AKAP3: variants seen among roughly 807,000 people sequenced by gnomAD.
AKAP3 encodes the protein A-kinase anchoring protein 3.
Under a neutral mutation model 57.2 loss-of-function variants are expected in AKAP3, and 27 were observed. That is an observed-to-expected ratio of 0.47 (90% CI 0.35 to 0.65). The LOEUF (loss-of-function observed/expected upper bound fraction) is 0.65. Ranked by LOEUF, AKAP3 falls within the 30% of genes least tolerant of loss-of-function variation. The pLI is 0.01. For synonymous variants in AKAP3, 334 were observed against 392.3 expected (o/e 0.85, Z 1.76); for missense variants, 959 against 1,040.0 (o/e 0.92, Z 1.07).
chr12:4,622,337 G>A (rs1246787031), intron 5 of AKAP3, among the ~76,000 whole-genome samples: 1 of 152,040 alleles, frequency 6.6e-6, no homozygotes, highest in Non-Finnish European at 1.5e-5. Flanking sequence ...ACTCCTAGGT[G>A]AAAAGAACAA....
At chr12:4,635,908 TC>T (rs1945559794) in intron 4 of AKAP3, 2 of 732,604 alleles carry the variant, frequency 2.7e-6, no homozygotes, top group Non-Finnish European at 4.9e-6. Flanking sequence ...CTCCATTTTT[TC>T]TTCACTTCCA....
intron 4 of AKAP3, chr12:4,635,923 C>T: frequency 5.0e-6 from 4 of 792,800 alleles, no homozygotes; most frequent in Non-Finnish European, 6.6e-6. Flanking sequence ...ACTTCCATCA[C>T]CAACACTAGC....
At chr12:4,626,124 C>T (rs992204096) in intron 5 of AKAP3, among the ~76,000 whole-genome samples, 10 of 152,018 alleles carry the variant, frequency 6.6e-5, no homozygotes, top group African/African-American at 2.4e-4. Context: ...CTAACACATC[C>T]CAGGGCTACT....
intron 5 of AKAP3, among the ~76,000 whole-genome samples, chr12:4,623,910 A>C (rs1273155771): frequency 1.3e-5 from 2 of 152,226 alleles, no homozygotes; most frequent in East Asian, 3.8e-4. Context: ...CTGTTGGTTA[A>C]AGTGTGAGGA....
intron 4 of AKAP3, among the ~76,000 whole-genome samples, chr12:4,631,867 T>C (rs1473952552): frequency 6.6e-6 from 1 of 152,260 alleles, no homozygotes; most frequent in Non-Finnish European, 1.5e-5. Flanking sequence ...TACAATTGTA[T>C]GCTTTTATTT....
chr12:4,625,163 G>A lies in AKAP3; in HGVS notation c.2406+1333C>T, dbSNP rs1178761063. Among the ~76,000 whole-genome samples the A allele has an allele frequency of 1.3e-5, 2 of 152,092 alleles. No individual in the cohort carries two copies. Among genetic ancestry groups the A allele is most frequent in the East Asian group, 1.9e-4 (1 of 5,192 alleles). On this transcript the variant is annotated intron_variant, in intron 5 of 5. Coordinates refer to ENST00000228850, the MANE Select transcript of AKAP3 (RefSeq NM_001278309.2). This position sits in a 1 kb window ranked among gnomAD's most constrained non-coding sequence, Gnocchi z 5.4. Reference sequence around the variant, plus strand: ...CTGCGTGGAGACAGAGCTTGCCAACGACCCTTAGGAATAGATCTAATATTG... The same window carrying A: ...CTGCGTGGAGACAGAGCTTGCCAACAACCCTTAGGAATAGATCTAATATTG...
intron 5 of AKAP3, among the ~76,000 whole-genome samples, chr12:4,624,987 G>C (rs1052638294): frequency 6.6e-6 from 1 of 152,018 alleles, no homozygotes; most frequent in Non-Finnish European, 1.5e-5. Context: ...GCTACAAAAG[G>C]CTTTCTCACA....
At position 4,626,755 on chromosome 12, in the gene AKAP3, T is replaced by G; in HGVS notation, c.2147A>C (p.Glu716Ala). 1 of 1,613,392 alleles carries G rather than the reference T, an allele frequency of 6.2e-7. No homozygotes were observed. Among genetic ancestry groups the G allele is most frequent in the East Asian group, 2.2e-5 (1 of 44,892 alleles). ...CCCTGTGCCCTTGGCTGGTAAGCACTCATATAAACTATCTGGGAAGGCCGA... is the reference window on the plus strand; with the variant it reads ...CCCTGTGCCCTTGGCTGGTAAGCACGCATATAAACTATCTGGGAAGGCCGA... The part of the protein sequence containing the change: ...LTSAFPDSLY[E>A]CLPAKGTGSA... Residue 716 changes from glutamate to alanine, a missense_variant, in exon 5 of 6, where the codon GAG (glutamate) becomes GCG (alanine). By Grantham distance (107) the Glu-to-Ala change is moderately radical. Transcript: ENST00000228850.
chr12:4,635,708 T>C, intron 4 of AKAP3: 1 of 710,868 alleles, frequency 1.4e-6, no homozygotes, highest in Non-Finnish European at 2.6e-6. Context: ...TATGGCTGCT[T>C]GTGCTCCTCT....
intron 4 of AKAP3, among the ~76,000 whole-genome samples, chr12:4,631,936 ACTT>A (rs1185612564): frequency 6.6e-6 from 1 of 152,236 alleles, no homozygotes; most frequent in East Asian, 1.9e-4. Context: ...AAGCCACATT[ACTT>A]CTATTTAATG....
At chr12:4,637,892 T>C (rs1456222579) in intron 4 of AKAP3, among the ~76,000 whole-genome samples, 1 of 152,192 alleles carries the variant, frequency 6.6e-6, no homozygotes, top group Non-Finnish European at 1.5e-5. Context: ...ATTTCATTAG[T>C]TATAGCATAT....
rs12310365 is a variant in AKAP3 at position 4,644,033 on chromosome 12, A to C, written c.-107+1022T>G. ...TTCTTTTACTGCCTTCCTTTCTGTA[A>C]GTGCCTGCTACATCGTAGAAGCTCA... On this transcript the variant is annotated intron_variant, in intron 2 of 5. Transcript: ENST00000228850. 8.4e-3 allele frequency among the ~76,000 whole-genome samples: 1,272 copies of C among 152,318 alleles called. 9 individuals are homozygous for C. The highest frequency in any genetic ancestry group is 0.022 in the African/African-American group (928 of 41,558).
rs879906352 is a variant in AKAP3 at position 4,648,968 on chromosome 12, C to G, written c.-468G>C. The G allele has an allele frequency of 7.0e-5, 53 of 754,068 alleles. No individual in the cohort carries two copies. In the East Asian group the frequency reaches 1.3e-3, roughly 18 times the overall value. The allele number at this position is 754,068 out of a possible 1,614,324, so 46.7% of individuals were successfully genotyped here. ...AGTCTTTTCACTTCCTTTCTTCCCC[C>G]TCTCCTTCACTTTCCCAGCTTTCTT... On this transcript the variant is annotated 5_prime_UTR_variant, in exon 1 of 6. Coordinates refer to ENST00000228850, the MANE Select transcript of AKAP3 (RefSeq NM_001278309.2).
Position 4,626,490 on chromosome 12 carries a change from T to G in AKAP3, c.2406+6A>C. 1 of 1,610,718 alleles carries G rather than the reference T, an allele frequency of 6.2e-7. No homozygotes were observed. Among genetic ancestry groups the G allele is most frequent in the Non-Finnish European group, 8.5e-7 (1 of 1,178,004 alleles). Reference sequence around the variant, plus strand: ...GCTTCCAAATTCCTCTGCCTTTGTTTCTTACCTTCTCCTGGATCCCTTCAT... The same window carrying G: ...GCTTCCAAATTCCTCTGCCTTTGTTGCTTACCTTCTCCTGGATCCCTTCAT... On this transcript the variant is annotated splice_donor_region_variant and intron_variant, in intron 5 of 5. Transcript: ENST00000228850.
intron 4 of AKAP3, among the ~76,000 whole-genome samples, chr12:4,632,826 G>A (rs1354805774): frequency 6.6e-6 from 1 of 152,068 alleles, no homozygotes; most frequent in African/African-American, 2.4e-5. Context: ...ATTTTTAGTA[G>A]AGATGGGGTT....
chr12:4,648,589 T>C (rs1242893454), intron 1 of AKAP3, 156 bp downstream of exon 1: 1 of 152,480 alleles, frequency 6.6e-6, no homozygotes, highest in African/African-American at 2.4e-5. Context: ...GAGAATGTGC[T>C]TGGCGGGCTC....
chr12:4,635,691 A>G, intron 4 of AKAP3: 1 of 723,650 alleles, frequency 1.4e-6, no homozygotes, highest in Non-Finnish European at 2.5e-6. Context: ...GTGGTATCAT[A>G]TACAGCTATG....
At chr12:4,631,299 C>G (rs779374093) in intron 4 of AKAP3, 1 of 700,776 alleles carries the variant, frequency 1.4e-6, no homozygotes. Flanking sequence ...TCTGTTCTGA[C>G]AGCATTTTTT....
At chr12:4,641,631 A>G (rs1490328947) in intron 3 of AKAP3, among the ~76,000 whole-genome samples, 3 of 152,260 alleles carry the variant, frequency 2.0e-5, no homozygotes, top group African/African-American at 4.8e-5. Context: ...TTATGCTTGC[A>G]TCGTTACTAT....
Sources: allele counts gnomAD v4.1 joint callset (sites outside exome capture counted in the v4.1 genomes callset), GRCh38; gene constraint gnomAD v4.1.1; non-coding constraint Gnocchi (gnomAD v3.1); transcripts MANE v1.5; gene names NCBI Gene and HGNC (gene_info 2026-07-23, HGNC 2026-07-21).